CIAO1: variants seen among roughly 807,000 people sequenced by gnomAD.
CIAO1 encodes the protein cytosolic iron-sulfur assembly component 1, also known as probable cytosolic iron-sulfur protein assembly protein CIAO1.
A neutral mutation model predicts 43.1 loss-of-function variants in CIAO1; 32 were observed. That is an observed-to-expected ratio of 0.74 (90% CI 0.56 to 1.00). The LOEUF is 1.00. Ranked by LOEUF, CIAO1 falls within the 50% of genes least tolerant of loss-of-function variation. The pLI is 0.00. For synonymous variants in CIAO1, 183 were observed against 171.4 expected, an observed-to-expected ratio of 1.07 and a Z score of -0.53; for missense variants, 415 against 437.4, an observed-to-expected ratio of 0.95 and a Z score of 0.46.
Position 96,271,857 on chromosome 2 carries a change from G to A in CIAO1, c.*506G>A, listed in dbSNP as rs1684557784. The stretch of plus-strand genomic sequence containing the variant: ...TAATGAAGGAAATTTTTTTCTGAAT[G>A]TAGGTTTGAGTGAGGGGCACCTCTG... On this transcript the variant is annotated 3_prime_UTR_variant, in exon 7 of 7. Transcript: ENST00000488633. 1 of 155,272 alleles carries A rather than the reference G, an allele frequency of 6.4e-6. No homozygotes were observed. 9.6% of individuals were successfully genotyped at this position (155,272 alleles called of 1,614,324 possible). A position where few individuals can be genotyped will look rare whatever the true frequency, so the allele number is the denominator to read the frequency against.
chr2:96,270,809 C>CAAAAA (rs531540380), intron 6 of CIAO1, among the ~76,000 whole-genome samples: 7 of 53,816 alleles, frequency 1.3e-4, no homozygotes, highest in Admixed American at 1.7e-4. Flanking sequence ...GACTCCATCT[C>CAAAAA]AAAAAAAAAA....
At chr2:96,267,788 G>A in intron 3 of CIAO1, 48 bp from the exon 4 acceptor site, 1 of 1,611,924 alleles carries the variant, frequency 6.2e-7, no homozygotes, top group Non-Finnish European at 8.5e-7. Context: ...AGCCCCCTCT[G>A]TGTCCCTGAC....
intron 6 of CIAO1, 133 bp downstream of exon 6, chr2:96,269,488 G>A: frequency 1.3e-6 from 1 of 782,014 alleles, no homozygotes; most frequent in Non-Finnish European, 2.2e-6. Context: ...TTCCTTATCA[G>A]GCCTGACTCT....
In CIAO1 at chr2:96,266,345, G is replaced by T. The variant is rs1333679762; in HGVS notation, c.-6G>T. 1 of 1,410,330 alleles carries T rather than the reference G, an allele frequency of 7.1e-7. No homozygotes were observed. Among genetic ancestry groups the T allele is most frequent in the Non-Finnish European group, 9.4e-7 (1 of 1,064,798 alleles). The allele number at this position is 1,410,330 out of a possible 1,614,324, so 87.4% of individuals were successfully genotyped here. A position where few individuals can be genotyped will look rare whatever the true frequency, so the allele number is the denominator to read the frequency against. On this transcript the variant is annotated 5_prime_UTR_variant, in exon 1 of 7. Transcript: ENST00000488633. ...CCGCCCCCACCTCCCCCTGCGTCGG[G>T]CCGACATGAAGGACTCGCTGGTGCT...
chr2:96,270,856 T>C (rs1051133402), intron 6 of CIAO1, among the ~76,000 whole-genome samples: 5 of 151,770 alleles, frequency 3.3e-5, no homozygotes, highest in Admixed American at 6.6e-5. Context: ...AAACTGCTTA[T>C]GCCAAGTGAG....
chr2:96,266,387 G>T lies in CIAO1; in HGVS notation c.37G>T (p.Ala13Ser). Reference protein sequence around the residue: ...DSLVLLGRVPAHPDSRCWFLA... With the variant: ...DSLVLLGRVPSHPDSRCWFLA... ...GCTGGTGCTGCTGGGCCGTGTCCCGGCGCACCCGGACTCCCGCTGCTGGTT... is the reference window on the plus strand; with the variant it reads ...GCTGGTGCTGCTGGGCCGTGTCCCGTCGCACCCGGACTCCCGCTGCTGGTT... The change falls in exon 1 of 7, where the codon GCG (alanine) becomes TCG (serine). Residue 13 changes from alanine to serine, a missense_variant. Ala to Ser is a moderately conservative substitution (Grantham distance 99). Coordinates refer to ENST00000488633, the MANE Select transcript of CIAO1 (RefSeq NM_004804.3). The T allele has an allele frequency of 6.6e-7, 1 of 1,518,434 alleles. No homozygotes were observed. Among genetic ancestry groups the T allele is most frequent in the Admixed American group, 1.9e-5 (1 of 51,762 alleles). The allele number at this position is 1,518,434 out of a possible 1,614,324, so 94.1% of individuals were successfully genotyped here. A position where few individuals can be genotyped will look rare whatever the true frequency, so the allele number is the denominator to read the frequency against.
Position 96,267,614 on chromosome 2 carries a change from C to T in CIAO1, c.289-11C>T, listed in dbSNP as rs1414693907. ...CTGCTGTTAATTCTCATTTTCTTTC[C>T]CCTTTCACAGTGTGTAACCACTCTC... On this transcript the variant is annotated splice_polypyrimidine_tract_variant and intron_variant, in intron 2 of 6. Transcript: ENST00000488633. 4.3e-6 allele frequency: 7 copies of T among 1,613,274 alleles called. No homozygotes were observed. The Admixed American group carries it at 1.2e-4, about 27-fold the overall frequency.
chr2:96,271,170 AG>A lies in CIAO1; in HGVS notation c.841del (p.Glu281ArgfsTer14). On this transcript the variant is annotated frameshift_variant, in exon 7 of 7. Transcript: ENST00000488633. LOFTEE classifies it high-confidence loss of function. ...ACGDDAIRVF[Q>X]EDPNSDPQQP... ...GGGGATGACGCGATCCGCGTGTTTC[AG>A]GAGGATCCCAACTCGGATCCACAGC... The A allele has an allele frequency of 6.2e-7, 1 of 1,614,200 alleles. No individual in the cohort carries two copies. Among genetic ancestry groups the A allele is most frequent in the Non-Finnish European group, 8.5e-7 (1 of 1,180,038 alleles).
Position 96,271,654 on chromosome 2 carries a change from G to A in CIAO1, c.*303G>A, listed in dbSNP as rs1310042887. 4.1e-6 allele frequency: 1 copy of A among 244,432 alleles called. No homozygotes were observed. The highest frequency in any genetic ancestry group is 2.2e-5 in the African/African-American group (1 of 44,564). The allele number at this position is 244,432 out of a possible 1,614,324, so 15.1% of individuals were successfully genotyped here. On this transcript the variant is annotated 3_prime_UTR_variant, in exon 7 of 7. Coordinates refer to ENST00000488633, the MANE Select transcript of CIAO1 (RefSeq NM_004804.3). ...TATTTATAATCACTATATATAGTAG[G>A]AGGGGGTATGTGTCTCAGGCTTTTC...
At position 96,273,256 on chromosome 2, in the gene CIAO1, C is replaced by T. The variant is rs756444362; in HGVS notation, c.*1905C>T. The T allele has an allele frequency of 6.6e-6, 1 of 152,196 alleles. No homozygotes were observed. The highest frequency in any genetic ancestry group is 2.4e-5 in the African/African-American group (1 of 41,430). 9.4% of individuals were successfully genotyped at this position (152,196 alleles called of 1,614,324 possible). On this transcript the variant is annotated 3_prime_UTR_variant, in exon 7 of 7. Transcript: ENST00000488633. ...TGACCAGTACGTGATGTTACAAAATCATGCATGGCTCAAAGATTGATTCAA... is the reference window on the plus strand; with the variant it reads ...TGACCAGTACGTGATGTTACAAAATTATGCATGGCTCAAAGATTGATTCAA...
Position 96,271,271 on chromosome 2 carries a change from A to G in CIAO1, c.940A>G (p.Lys314Glu). 2.5e-6 allele frequency: 4 copies of G among 1,614,226 alleles called. No homozygotes were observed. The South Asian group carries it at 4.4e-5, about 18-fold the overall frequency. Residue 314 changes from lysine to glutamate, a missense_variant, in exon 7 of 7, where the codon AAG (lysine) becomes GAG (glutamate). Physicochemically the swap from Lys to Glu is moderately conservative, Grantham distance 56. Coordinates refer to ENST00000488633, the MANE Select transcript of CIAO1 (RefSeq NM_004804.3). ...QDVNCVAWNP[K>E]EPGLLASCSD... ...TGTCAACTGTGTGGCCTGGAACCCC[A>G]AGGAGCCAGGGCTACTGGCCTCCTG...
chr2:96,266,510 G>A (rs755444045), intron 1 of CIAO1, 21 bp downstream of exon 1: 2 of 1,457,974 alleles, frequency 1.4e-6, no homozygotes, highest in Non-Finnish European at 1.8e-6. Flanking sequence ...GCCTGGTTGC[G>A]CGGCCCTCAG....
rs756222839 is a variant in CIAO1, at chr2:96,267,620, C to T, written c.289-5C>T. ...TTAATTCTCATTTTCTTTCCCCTTT[C>T]ACAGTGTGTAACCACTCTCGAGGGC... On this transcript the variant is annotated splice_region_variant and splice_polypyrimidine_tract_variant and intron_variant, in intron 2 of 6. Transcript: ENST00000488633. The T allele has an allele frequency of 1.9e-6, 3 of 1,613,634 alleles. No individual in the cohort carries two copies. The highest frequency in any genetic ancestry group is 3.3e-5 in the Admixed American group (2 of 60,020).
chr2:96,266,778 C>T (rs182506686), intron 1 of CIAO1, among the ~76,000 whole-genome samples: 1 of 152,272 alleles, frequency 6.6e-6, no homozygotes, highest in East Asian at 1.9e-4. Flanking sequence ...ACTGGATGGT[C>T]ACATTTTATC....
At chr2:96,266,625 CT>C in intron 1 of CIAO1, 136 bp downstream of exon 1, 8 of 980,492 alleles carry the variant, frequency 8.2e-6, no homozygotes, top group Non-Finnish European at 1.1e-5. Context: ...CCGAGAAGGG[CT>C]TTACAGGCAA....
chr2:96,266,446 C>G lies in CIAO1; in HGVS notation c.96C>G (p.Ala32=), dbSNP rs773403813. The part of the protein sequence containing the change: ...LAWNPAGTLL[A]SCGGDRRIRI... ...GGAACCCCGCGGGGACCCTGCTGGC[C>G]TCGTGCGGCGGCGACCGGAGAATCC... Residue 32 remains alanine, a synonymous_variant, in exon 1 of 7, where the codon GCC becomes GCG. Transcript: ENST00000488633. The G allele has an allele frequency of 6.4e-7, 1 of 1,558,398 alleles. No homozygotes were observed. Among genetic ancestry groups the G allele is most frequent in the African/African-American group, 1.4e-5 (1 of 71,770 alleles).
In CIAO1 at chr2:96,268,586, C is replaced by T. The variant is rs1684482369; in HGVS notation, c.619C>T (p.Gln207Ter). The change falls in exon 5 of 7, where the codon CAG (glutamine) becomes TAG (stop). Residue 207 changes from glutamine to a stop codon, truncating the protein, a stop_gained. Coordinates refer to ENST00000488633, the MANE Select transcript of CIAO1 (RefSeq NM_004804.3). LOFTEE classifies it high-confidence loss of function. ...VWSLAFDPSG[Q>*]RLASCSDDRT... ...GAGCTTGGCCTTTGACCCGAGTGGC[C>T]AGCGCCTGGCGTCTTGTAGTGATGA... 6.2e-7 allele frequency: 1 copy of T among 1,614,190 alleles called. No individual in the cohort carries two copies. The highest frequency in any genetic ancestry group is 1.3e-5 in the African/African-American group (1 of 75,042).
At chr2:96,269,938 C>T (rs1190992942) in intron 6 of CIAO1, among the ~76,000 whole-genome samples, 1 of 152,106 alleles carries the variant, frequency 6.6e-6, no homozygotes, top group East Asian at 1.9e-4. Flanking sequence ...AGCCACCGCA[C>T]CTGGCAGTGG....
chr2:96,271,365 T>C lies in CIAO1; in HGVS notation c.*14T>C. On this transcript the variant is annotated 3_prime_UTR_variant, in exon 7 of 7. Coordinates refer to ENST00000488633, the MANE Select transcript of CIAO1 (RefSeq NM_004804.3). ...GAAGGCCTCTGAGCTACCTCGACTT[T>C]GGACAGAGTAATGACTCCCCAGAAA... 1.2e-6 allele frequency: 2 copies of C among 1,612,050 alleles called. No homozygotes were observed. Among genetic ancestry groups the C allele is most frequent in the South Asian group, 2.2e-5 (2 of 91,020 alleles).
Sources: gnomAD v4.1 joint callset for allele counts (sites outside exome capture counted in the v4.1 genomes callset) on GRCh38, gnomAD v4.1.1 for gene constraint, MANE v1.5 for transcripts, NCBI Gene and HGNC (gene_info 2026-07-23, HGNC 2026-07-21) for gene names.